The following UBR4 variants were observed in gnomAD, a reference collection of about 807,000 sequenced individuals.
UBR4 encodes E3 ubiquitin-protein ligase UBR4.
A neutral mutation model predicts 575.6 loss-of-function variants in UBR4; 124 were observed. That is an observed-to-expected ratio of 0.22 (90% CI 0.19 to 0.25). The LOEUF is 0.25. UBR4 is among the 10% of genes least tolerant of loss of function. The probability of loss-of-function intolerance (pLI) is 1.00; values close to 1 mark genes in which losing one functional copy is unlikely to be tolerated. For missense variants in UBR4, 4,818 were observed against 6,478.8 expected, an observed-to-expected ratio of 0.74 and a Z score of 8.80; for synonymous variants, 2,455 against 2,473.7, an observed-to-expected ratio of 0.99 and a Z score of 0.22.
intron 2 of UBR4, among the ~76,000 whole-genome samples, 195 bp downstream of exon 2, chr1:19,201,523 C>A (rs1446605502): frequency 6.6e-6 from 1 of 152,176 alleles, no homozygotes; most frequent in Non-Finnish European, 1.5e-5. Flanking sequence ...TTTTAAAATT[C>A]CACTTGGTTA....
rs773368674 is a variant in UBR4 at position 19,197,127 on chromosome 1, T to C, written c.1018+14A>G. 2 of 1,612,600 alleles carry C rather than the reference T, an allele frequency of 1.2e-6. No homozygotes were observed. The highest frequency in any genetic ancestry group is 2.2e-5 in the East Asian group (1 of 44,846). On this transcript the variant is annotated intron_variant, in intron 8 of 105. Transcript: ENST00000375254. ...TTGACTGAGAAAATGAGACCAGATA[T>C]AATAACTTCTCACCTGCATACAGAC...
rs1219150635 is a variant in UBR4 at position 19,151,824 on chromosome 1, ATTG to A, written c.7029_7031del (p.Asn2344del). On this transcript the variant is annotated inframe_deletion, in exon 48 of 106. Coordinates refer to ENST00000375254, the MANE Select transcript of UBR4 (RefSeq NM_020765.3). ...GCATGCCTGTCATCACCATAGTGCT[ATTG>A]TTGTTACTAATCTCAATGGTGAAGC... is the stretch of plus-strand genomic sequence containing the variant. 6.2e-7 allele frequency: 1 copy of A among 1,611,790 alleles called. No individual in the cohort carries two copies. The highest frequency in any genetic ancestry group is 1.7e-5 in the Admixed American group (1 of 59,846).
At chr1:19,097,116 G>C in intron 91 of UBR4, 77 bp downstream of exon 91, 1 of 1,223,396 alleles carries the variant, frequency 8.2e-7, no homozygotes, top group Non-Finnish European at 1.1e-6. Context: ...AAGCAACTGA[G>C]AATGCCCCTA....
rs139731357 is a variant in UBR4 at position 19,165,666 on chromosome 1, A to G, written c.4201T>C (p.Phe1401Leu). 173 of 1,613,462 alleles carry G rather than the reference A, an allele frequency of 1.1e-4. No individual in the cohort carries two copies. Among genetic ancestry groups the G allele is most frequent in the Non-Finnish European group, 1.3e-4 (159 of 1,179,874 alleles). ...SQARKAMEEF[F>L]SDSGELVQIM... ...CAAAACACGGCTCACCTGTCAGAGA[A>G]AAACTCCTCCATAGCTTTACGAGCC... Residue 1401 changes from phenylalanine (F) to leucine (L), a missense_variant, in exon 30 of 106, where the codon TTC becomes CTC. Physicochemically the swap from Phe to Leu is conservative, Grantham distance 22. Coordinates refer to ENST00000375254, the MANE Select transcript of UBR4 (RefSeq NM_020765.3).
rs919030751 is a variant in UBR4, at chr1:19,100,482, T to C, written c.13115A>G (p.Tyr4372Cys). ...CCCGATGCCTGGCTCATTGCTGCTA[T>C]ACGGGTTCCCAGGCATCCTGCCCTG... The part of the protein sequence containing the change: ...FLQGRMPGNP[Y>C]SSNEPGIGPL... The change falls in exon 89 of 106, where the codon TAT becomes TGT. Residue 4372 changes from tyrosine (Y) to cysteine (C), a missense_variant. Transcript: ENST00000375254. The surrounding 1 kb of genome is among the most constrained non-coding windows in gnomAD (Gnocchi z 4.2). The C allele has an allele frequency of 6.2e-7, 1 of 1,614,040 alleles. No homozygotes were observed. Among genetic ancestry groups the C allele is most frequent in the African/African-American group, 1.3e-5 (1 of 74,896 alleles).
intron 17 of UBR4, among the ~76,000 whole-genome samples, chr1:19,180,915 C>A (rs2090879154): frequency 6.6e-6 from 1 of 152,220 alleles, no homozygotes; most frequent in African/African-American, 2.4e-5. Flanking sequence ...CCTTCCTCCA[C>A]TCCTCTTTCA....
At chr1:19,101,675 A>C in intron 87 of UBR4, 34 bp from the exon 88 acceptor site, 1 of 1,582,114 alleles carries the variant, frequency 6.3e-7, no homozygotes, top group Non-Finnish European at 8.7e-7. Flanking sequence ...GTTAGGAAAG[A>C]GCCTCTCCCA....
chr1:19,126,776 G>GA, intron 63 of UBR4, 121 bp from the exon 64 acceptor site: 1 of 1,054,792 alleles, frequency 9.5e-7, no homozygotes, highest in Non-Finnish European at 1.4e-6. Flanking sequence ...GGCAGTGAGT[G>GA]AATCAGGCTC....
Position 19,074,707 on chromosome 1 carries a change from TGA to T in UBR4, c.*123_*124del, listed in dbSNP as rs2075752611. The T allele has an allele frequency of 1.0e-6, 1 of 990,564 alleles. No individual in the cohort carries two copies. The highest frequency in any genetic ancestry group is 1.4e-6 in the Non-Finnish European group (1 of 691,640). 61.4% of individuals were successfully genotyped at this position (990,564 alleles called of 1,614,324 possible). ...AAACCCCAAGCCACACCAAGAAAAA[TGA>T]GAGAGGGGAGGGCGGGGTAACAATG... On this transcript the variant is annotated 3_prime_UTR_variant, in exon 106 of 106. Coordinates refer to ENST00000375254, the MANE Select transcript of UBR4 (RefSeq NM_020765.3).
chr1:19,135,682 GAA>G (rs1365815908), intron 60 of UBR4, among the ~76,000 whole-genome samples: 2 of 151,938 alleles, frequency 1.3e-5, no homozygotes, highest in African/African-American at 4.8e-5. Context: ...AAACACAAAA[GAA>G]AAAGAGATTC....
intron 13 of UBR4, 142 bp downstream of exon 13, chr1:19,187,022 T>G: frequency 1.6e-6 from 1 of 608,284 alleles, no homozygotes; most frequent in Non-Finnish European, 2.2e-6. Context: ...TACCAAAACT[T>G]TGGGTCTATA....
At chr1:19,087,759 C>T in intron 99 of UBR4, 57 bp downstream of exon 99, 4 of 1,447,638 alleles carry the variant, frequency 2.8e-6, no homozygotes, top group Non-Finnish European at 3.8e-6. Flanking sequence ...GGGATGCTAC[C>T]TAGAACAAGG....
chr1:19,122,148 G>C, intron 66 of UBR4, 136 bp from the exon 67 acceptor site: 1 of 839,058 alleles, frequency 1.2e-6, no homozygotes, highest in South Asian at 1.5e-5. Context: ...GCAGATGCTT[G>C]CTGAGATGTC....
intron 9 of UBR4, 116 bp downstream of exon 9, chr1:19,193,317 G>A (rs1307373261): frequency 3.5e-5 from 49 of 1,417,412 alleles, no homozygotes; most frequent in Admixed American, 8.3e-5. Context: ...AGTGCCCAGG[G>A]AAAGTAGTGT....
intron 23 of UBR4, 63 bp from the exon 24 acceptor site, chr1:19,173,369 A>T (rs2089848685): frequency 6.2e-7 from 1 of 1,611,174 alleles, no homozygotes; most frequent in East Asian, 2.2e-5. Flanking sequence ...CATTATCTTC[A>T]AATTTAAAAG....
At chr1:19,114,401 CCT>C (rs993293972) in intron 75 of UBR4, among the ~76,000 whole-genome samples, 3 of 152,136 alleles carry the variant, frequency 2.0e-5, no homozygotes, top group African/African-American at 7.2e-5. Context: ...TATAGGTGCC[CCT>C]TTTTCACTGT....
At chr1:19,081,177 G>A in intron 103 of UBR4, 172 bp downstream of exon 103, 2 of 599,426 alleles carry the variant, frequency 3.3e-6, no homozygotes, top group Non-Finnish European at 5.7e-6. Context: ...CAGGCAACCT[G>A]CCAGCCATCA....
chr1:19,198,132 T>C (rs2092566584), intron 5 of UBR4, 83 bp from the exon 6 acceptor site: 13 of 1,337,032 alleles, frequency 9.7e-6, no homozygotes, highest in Non-Finnish European at 1.4e-5. Context: ...GCTGCACGGA[T>C]ACTCTCCAGA....
chr1:19,165,775 A>T lies in UBR4; in HGVS notation c.4110-18T>A. ...CCAGTCCACTGAGGATCAAACGGAA[A>T]ACTTAACCACCAGTATTAAGACCTG... On this transcript the variant is annotated intron_variant, in intron 29 of 105. Coordinates refer to ENST00000375254, the MANE Select transcript of UBR4 (RefSeq NM_020765.3). 1.9e-6 allele frequency: 3 copies of T among 1,597,756 alleles called. No individual in the cohort carries two copies. Among genetic ancestry groups the T allele is most frequent in the Non-Finnish European group, 2.6e-6 (3 of 1,169,118 alleles).
Sources: gnomAD v4.1 joint callset for allele counts (sites outside exome capture counted in the v4.1 genomes callset) on GRCh38, gnomAD v4.1.1 for gene constraint, Gnocchi (gnomAD v3.1) non-coding constraint, MANE v1.5 for transcripts, NCBI Gene and HGNC (gene_info 2026-07-23, HGNC 2026-07-21) for gene names.